The following SLC16A7 variants were observed in gnomAD, a reference collection of about 807,000 sequenced individuals.
SLC16A7 encodes solute carrier family 16 member 7, also known as monocarboxylate transporter 2.
Under a neutral mutation model 34.9 loss-of-function variants are expected in SLC16A7, and 33 were observed. The ratio of observed to expected loss-of-function variants is 0.94; its 90% confidence interval spans 0.72 to 1.26. The LOEUF is 1.26. SLC16A7 is among the 50% of genes most tolerant of loss of function. The probability of loss-of-function intolerance (pLI) is 0.00; values close to 1 mark genes in which losing one functional copy is unlikely to be tolerated. For synonymous variants in SLC16A7, 201 were observed against 206.6 expected, an observed-to-expected ratio of 0.97 and a Z score of 0.23; for missense variants, 573 against 578.1, an observed-to-expected ratio of 0.99 and a Z score of 0.09.
intron 3 of SLC16A7, among the ~76,000 whole-genome samples, chr12:59,744,012 T>A (rs1565688616): frequency 6.6e-6 from 1 of 152,178 alleles, no homozygotes; most frequent in Non-Finnish European, 1.5e-5. Context: ...TGAAAGTTAT[T>A]ATTAGGATGT....
intron 1 of SLC16A7, among the ~76,000 whole-genome samples, chr12:59,617,394 T>G (rs1879502347): frequency 6.6e-6 from 1 of 152,156 alleles, no homozygotes; most frequent in South Asian, 2.1e-4. Flanking sequence ...TTGATGCCAT[T>G]TTTGTAGAAG....
chr12:59,726,970 A>T (rs1032656072), intron 3 of SLC16A7, among the ~76,000 whole-genome samples: 1 of 152,074 alleles, frequency 6.6e-6, no homozygotes, highest in Non-Finnish European at 1.5e-5. Flanking sequence ...CATCTAGATT[A>T]CAATAGTAAT....
At chr12:59,628,251 A>G (rs758313704) in intron 1 of SLC16A7, among the ~76,000 whole-genome samples, 3 of 151,812 alleles carry the variant, frequency 2.0e-5, no homozygotes, top group Non-Finnish European at 4.4e-5. Flanking sequence ...TGTTGTTTTC[A>G]TCCTTAGCTC....
intron 2 of SLC16A7, among the ~76,000 whole-genome samples, chr12:59,683,388 C>A (rs1454458539): frequency 6.6e-6 from 1 of 151,774 alleles, no homozygotes; most frequent in Non-Finnish European, 1.5e-5. Context: ...AGATGGGAGG[C>A]AAGGTTGGGA....
At chr12:59,756,298 C>G (rs532038315) in intron 3 of SLC16A7, among the ~76,000 whole-genome samples, 1 of 152,148 alleles carries the variant, frequency 6.6e-6, no homozygotes, top group African/African-American at 2.4e-5. Flanking sequence ...GCAAAACAAA[C>G]TACCATCAGA....
rs1347285599 is a variant in SLC16A7 at position 59,596,701 on chromosome 12, C to T, written c.-130+465C>T. On this transcript the variant is annotated intron_variant, in intron 1 of 5. Transcript: ENST00000547379. This position sits in a 1 kb window ranked among gnomAD's most constrained non-coding sequence, Gnocchi z 5.0. ...CCCCGAGCCCCCTAGGGTGGCGTGG[C>T]TTCATTGCCGCAGAAGGTGGAGGCG... Among the ~76,000 whole-genome samples, 2 of 152,142 alleles carry T rather than the reference C, an allele frequency of 1.3e-5. No homozygotes were observed. The highest frequency in any genetic ancestry group is 4.8e-5 in the African/African-American group (2 of 41,430).
At chr12:59,636,020 CTG>C in intron 1 of SLC16A7, among the ~76,000 whole-genome samples, 2 of 138,098 alleles carry the variant, frequency 1.4e-5, no homozygotes, top group Non-Finnish European at 3.1e-5. Flanking sequence ...AAAAAAAAAA[CTG>C]TGTAGGGTAT....
intron 1 of SLC16A7, among the ~76,000 whole-genome samples, chr12:59,631,513 C>A (rs1377016242): frequency 6.6e-6 from 1 of 151,930 alleles, no homozygotes; most frequent in Non-Finnish European, 1.5e-5. Context: ...ATTTATAACG[C>A]ATTGAGTATA....
At chr12:59,731,149 A>G (rs1430321582) in intron 3 of SLC16A7, among the ~76,000 whole-genome samples, 1 of 152,184 alleles carries the variant, frequency 6.6e-6, no homozygotes, top group African/African-American at 2.4e-5. Flanking sequence ...TTCAAGCTTA[A>G]ATATGTATAT....
In SLC16A7 at chr12:59,780,265, T is replaced by C. The variant is rs1592284052; in HGVS notation, c.*586T>C. On this transcript the variant is annotated 3_prime_UTR_variant, in exon 6 of 6. Transcript: ENST00000547379. ...AATCCATGAAGATAAAAGAAACATA[T>C]GTCTGCGTGCTACTTTACAATGTTG... 1 of 152,146 alleles carries C rather than the reference T, an allele frequency of 6.6e-6. No homozygotes were observed. The highest frequency in any genetic ancestry group is 1.5e-5 in the Non-Finnish European group (1 of 68,010). 9.4% of individuals were successfully genotyped at this position (152,146 alleles called of 1,614,324 possible). A position where few individuals can be genotyped will look rare whatever the true frequency, so the allele number is the denominator to read the frequency against.
intron 2 of SLC16A7, among the ~76,000 whole-genome samples, chr12:59,672,270 G>A (rs1017071932): frequency 3.3e-5 from 4 of 122,476 alleles, no homozygotes; most frequent in African/African-American, 8.3e-5. Context: ...GCATATATAC[G>A]TATATATATG....
intron 1 of SLC16A7, among the ~76,000 whole-genome samples, chr12:59,623,046 CTG>C (rs57399813): frequency 0.15 from 20,448 of 134,712 alleles, 1,440 homozygotes; most frequent in African/African-American, 0.2. Context: ...CTACTGAATG[CTG>C]TGTGTGTGTG....
At chr12:59,657,222 A>T (rs542519237) in intron 2 of SLC16A7, among the ~76,000 whole-genome samples, 1 of 151,968 alleles carries the variant, frequency 6.6e-6, no homozygotes, top group Non-Finnish European at 1.5e-5. Flanking sequence ...TAATATAATT[A>T]TGTGAATTTT....
intron 3 of SLC16A7, among the ~76,000 whole-genome samples, chr12:59,718,000 C>G (rs775990357): frequency 6.6e-6 from 1 of 152,126 alleles, no homozygotes; most frequent in Non-Finnish European, 1.5e-5. Flanking sequence ...CAGAAAAATA[C>G]ATCTCACAAA....
At chr12:59,738,763 G>A (rs1368527092) in intron 3 of SLC16A7, among the ~76,000 whole-genome samples, 2 of 151,232 alleles carry the variant, frequency 1.3e-5, no homozygotes, top group Non-Finnish European at 2.9e-5. Context: ...TAACACTTAG[G>A]TACAAAAGAA....
chr12:59,695,643 T>A (rs1872201833), intron 2 of SLC16A7, among the ~76,000 whole-genome samples: 1 of 152,086 alleles, frequency 6.6e-6, no homozygotes, highest in African/African-American at 2.4e-5. Context: ...ACCTGGTGGC[T>A]GTGTTGCCTT....
At chr12:59,657,537 C>G (rs1362438728) in intron 2 of SLC16A7, among the ~76,000 whole-genome samples, 1 of 151,890 alleles carries the variant, frequency 6.6e-6, no homozygotes, top group African/African-American at 2.4e-5. Flanking sequence ...ATGGCGTTTT[C>G]AAAGACATTG....
At chr12:59,690,109 G>C (rs1411821824) in intron 2 of SLC16A7, among the ~76,000 whole-genome samples, 1 of 151,912 alleles carries the variant, frequency 6.6e-6, no homozygotes, top group Non-Finnish European at 1.5e-5. Flanking sequence ...CACAATGATT[G>C]TTATCATCCT....
Position 59,765,715 on chromosome 12 carries a change from A to G in SLC16A7, c.218-5504A>G, listed in dbSNP as rs146527019. On this transcript the variant is annotated intron_variant, in intron 3 of 5. Transcript: ENST00000547379. ...ATATCTCTGTTTTGGTACCAGTATC[A>G]TGCCGTTTTGGTGACTGTAGCCTTG... Among the ~76,000 whole-genome samples the G allele has an allele frequency of 2.3e-3, 355 of 152,286 alleles. 1 individual carries two copies. Among genetic ancestry groups the G allele is most frequent in the African/African-American group, 7.1e-3 (296 of 41,552 alleles).
Sources: gnomAD v4.1 joint callset for allele counts (sites outside exome capture counted in the v4.1 genomes callset) on GRCh38, gnomAD v4.1.1 for gene constraint, Gnocchi (gnomAD v3.1) non-coding constraint, MANE v1.5 for transcripts, NCBI Gene and HGNC (gene_info 2026-07-23, HGNC 2026-07-21) for gene names.